Variants in ACAA1 observed in about 807,000 individuals in gnomAD.
ACAA1 encodes the protein acetyl-CoA acyltransferase 1, also known as 3-ketoacyl-CoA thiolase, peroxisomal.
In ACAA1, 44 loss-of-function variants were observed where a neutral mutation model predicts 48.8. The observed-to-expected ratio is 0.90, with a 90% confidence interval of 0.71 to 1.16. The LOEUF (loss-of-function observed/expected upper bound fraction) is 1.16, where lower values mean the gene tolerates loss of function less well. ACAA1 is among the 50% of genes most tolerant of loss of function. ACAA1 has a pLI of 0.00. For synonymous variants in ACAA1, 233 were observed against 226.5 expected, an observed-to-expected ratio of 1.03 and a Z score of -0.26; for missense variants, 512 against 562.3, an observed-to-expected ratio of 0.91 and a Z score of 0.90.
At chr3:38,127,977 AG>A (rs1700712501) in intron 6 of ACAA1, 111 bp from the exon 7 acceptor site, 1 of 991,458 alleles carries the variant, frequency 1.0e-6, no homozygotes, top group Non-Finnish European at 1.6e-6. Context: ...TAGGCAGGAC[AG>A]GATGTAAGGG....
rs73062851 is a variant in ACAA1, at chr3:38,134,464, G to C, written c.266-455C>G. 898 of 458,406 alleles carry C rather than the reference G, an allele frequency of 2.0e-3. 4 individuals are homozygous for C. Among genetic ancestry groups the C allele is most frequent in the Non-Finnish European group, 3.5e-3 (799 of 228,720 alleles). The allele number at this position is 458,406 out of a possible 1,614,324, so 28.4% of individuals were successfully genotyped here. ...ATTTCAAGGTGAGGGGTGGAATAGA[G>C]GGCTGGACTGAAGATTGTGGGGAAA... On this transcript the variant is annotated intron_variant, in intron 2 of 11. Coordinates refer to ENST00000333167, the MANE Select transcript of ACAA1 (RefSeq NM_001607.4).
chr3:38,134,184 A>C, intron 2 of ACAA1, 175 bp from the exon 3 acceptor site: 1 of 631,640 alleles, frequency 1.6e-6, no homozygotes. Context: ...CAGCCATACA[A>C]CAGCTTGTCC....
In ACAA1 at chr3:38,136,908, C is replaced by A. The variant is rs1302822146; in HGVS notation, c.128G>T (p.Gly43Val). Residue 43 changes from glycine (G) to valine (V), a missense_variant, in exon 1 of 12, where the codon GGG becomes GTG. By Grantham distance (109) the Gly-to-Val change is moderately radical. Transcript: ENST00000333167. ...ASAADVVVVH[G>V]RRTAICRAGR... Reference sequence around the variant, plus strand: ...CGCCCGGCAGATGGCCGTGCGCCGCCCGTGCACCACCACCACGTCCGCGGC... The same window carrying A: ...CGCCCGGCAGATGGCCGTGCGCCGCACGTGCACCACCACCACGTCCGCGGC... 2.6e-6 allele frequency: 4 copies of A among 1,535,650 alleles called. No individual in the cohort carries two copies. The Admixed American group carries it at 7.9e-5, about 30-fold the overall frequency.
intron 11 of ACAA1, chr3:38,124,530 C>T (rs1031093379): frequency 6.6e-6 from 1 of 152,188 alleles, no homozygotes; most frequent in African/African-American, 2.4e-5. Flanking sequence ...TTGCTTGAGT[C>T]AGGGAAGCAG....
intron 2 of ACAA1, among the ~76,000 whole-genome samples, chr3:38,135,926 C>G (rs1344796863): frequency 6.6e-6 from 1 of 152,176 alleles, no homozygotes; most frequent in African/African-American, 2.4e-5. Flanking sequence ...TAGGCCATAT[C>G]TCAGACAATC....
rs141185255 is a variant in ACAA1, at chr3:38,129,024, C to T, written c.545+266G>A. ...GGCTTTGGAGTGGAGCTACCATTGT[C>T]CTTCCTATGACTGAGCACCTCAGTG... On this transcript the variant is annotated intron_variant, in intron 6 of 11. Coordinates refer to ENST00000333167, the MANE Select transcript of ACAA1 (RefSeq NM_001607.4). This position sits in a 1 kb window ranked among gnomAD's most constrained non-coding sequence, Gnocchi z 5.3. Among the ~76,000 whole-genome samples the T allele has an allele frequency of 6.6e-6, 1 of 152,320 alleles. No homozygotes were observed. The highest frequency in any genetic ancestry group is 1.5e-5 in the Non-Finnish European group (1 of 68,032).
At chr3:38,127,973 G>C in intron 6 of ACAA1, 107 bp from the exon 7 acceptor site, 1 of 1,081,882 alleles carries the variant, frequency 9.2e-7, no homozygotes, top group Non-Finnish European at 1.4e-6. Context: ...GCTGTAGGCA[G>C]GACAGGATGT....
At chr3:38,135,276 G>C (rs1265060660) in intron 2 of ACAA1, 1 of 152,126 alleles carries the variant, frequency 6.6e-6, no homozygotes, top group Non-Finnish European at 1.5e-5. Context: ...GGTATTTCTC[G>C]CAAGGTGGAG....
chr3:38,136,538 G>A (rs1322718321), intron 2 of ACAA1, 54 bp downstream of exon 2: 1 of 1,600,498 alleles, frequency 6.2e-7, no homozygotes, highest in Non-Finnish European at 8.6e-7. Flanking sequence ...GGAGAGCTCT[G>A]GACGAACGGA....
rs370449813 is a variant in ACAA1 at position 38,136,780 on chromosome 3, C to A, written c.171+85G>T. On this transcript the variant is annotated intron_variant, in intron 1 of 11. Transcript: ENST00000333167. ...CAGCTGGGTGCGGAGCTGCCTCCGG[C>A]GTCCAGGATAACCAAACATACGAAC... The A allele has an allele frequency of 1.2e-4, 172 of 1,482,910 alleles. No homozygotes were observed. In the African/African-American group the frequency reaches 1.7e-3, roughly 14 times the overall value. 91.9% of individuals were successfully genotyped at this position (1,482,910 alleles called of 1,614,324 possible). A position where few individuals can be genotyped will look rare whatever the true frequency, so the allele number is the denominator to read the frequency against.
chr3:38,133,714 G>T, intron 3 of ACAA1: 1 of 553,538 alleles, frequency 1.8e-6, no homozygotes. Flanking sequence ...ACCTGGCTTT[G>T]GCTAAAAATC....
intron 10 of ACAA1, 56 bp from the exon 11 acceptor site, chr3:38,125,766 G>A: frequency 1.2e-6 from 2 of 1,614,034 alleles, no homozygotes; most frequent in Non-Finnish European, 1.7e-6. Flanking sequence ...TGCACCACCT[G>A]CCCGCTCACT....
chr3:38,136,218 C>G (rs1700889506), intron 2 of ACAA1, among the ~76,000 whole-genome samples: 1 of 152,164 alleles, frequency 6.6e-6, no homozygotes, highest in South Asian at 2.1e-4. Context: ...TAGTACAGAT[C>G]AAAATGGAGT....
intron 5 of ACAA1, among the ~76,000 whole-genome samples, chr3:38,131,012 C>A (rs1221443936): frequency 6.6e-6 from 1 of 152,252 alleles, no homozygotes; most frequent in Admixed American, 6.5e-5. Context: ...CCTGGAGGCA[C>A]TGCCAAATAC....
At chr3:38,123,280 CG>C in intron 11 of ACAA1, 158 bp from the exon 12 acceptor site, 2 of 660,840 alleles carry the variant, frequency 3.0e-6, no homozygotes, top group Non-Finnish European at 5.4e-6. Flanking sequence ...GGCACACACA[CG>C]GTGACAGATG....
chr3:38,132,322 T>C (rs60935636), intron 3 of ACAA1: 21,025 of 179,832 alleles, frequency 0.12, 1,338 homozygotes, highest in Middle Eastern at 0.27. Context: ...GATCCTTCTC[T>C]CTCTCTCCCT....
In ACAA1 at chr3:38,129,139, A is replaced by G; in HGVS notation, c.545+151T>C. Reference sequence around the variant, plus strand: ...GAAATGGAAGTCAAGGGCAACATCAAGTCTCATCCCCAAAGTCCCTGCGGA... The same window carrying G: ...GAAATGGAAGTCAAGGGCAACATCAGGTCTCATCCCCAAAGTCCCTGCGGA... On this transcript the variant is annotated intron_variant, in intron 6 of 11. Transcript: ENST00000333167. This position sits in a 1 kb window ranked among gnomAD's most constrained non-coding sequence, Gnocchi z 5.3. The G allele has an allele frequency of 1.5e-6, 1 of 656,528 alleles. No individual in the cohort carries two copies. The highest frequency in any genetic ancestry group is 2.6e-6 in the Non-Finnish European group (1 of 383,888). The allele number at this position is 656,528 out of a possible 1,614,324, so 40.7% of individuals were successfully genotyped here.
chr3:38,125,523 G>C (rs779142207), intron 11 of ACAA1, 42 bp downstream of exon 11: 1 of 1,509,870 alleles, frequency 6.6e-7, no homozygotes, highest in East Asian at 2.3e-5. Flanking sequence ...GCCCTAACTT[G>C]GATATCCCCC....
In ACAA1 at chr3:38,126,032, T is replaced by A. The variant is rs781508694; in HGVS notation, c.997+130A>T. 6.9e-7 allele frequency: 1 copy of A among 1,451,552 alleles called. No individual in the cohort carries two copies. Among genetic ancestry groups the A allele is most frequent in the Non-Finnish European group, 9.5e-7 (1 of 1,054,456 alleles). 89.9% of individuals were successfully genotyped at this position (1,451,552 alleles called of 1,614,324 possible). A position where few individuals can be genotyped will look rare whatever the true frequency, so the allele number is the denominator to read the frequency against. On this transcript the variant is annotated intron_variant, in intron 9 of 11. Transcript: ENST00000333167. The surrounding 1 kb of genome is among the most constrained non-coding windows in gnomAD (Gnocchi z 4.7). ...GTGGGGTCAGGAAGGGCTTGAAGTATGGGACACTAGCCTGCCCCACCTCCA... is the reference window on the plus strand; with the variant it reads ...GTGGGGTCAGGAAGGGCTTGAAGTAAGGGACACTAGCCTGCCCCACCTCCA...
Sources: allele counts gnomAD v4.1 joint callset (sites outside exome capture counted in the v4.1 genomes callset), GRCh38; gene constraint gnomAD v4.1.1; non-coding constraint Gnocchi (gnomAD v3.1); transcripts MANE v1.5; gene names NCBI Gene and HGNC (gene_info 2026-07-23, HGNC 2026-07-21).